The following SPRED2 variants were observed in gnomAD, a reference collection of about 807,000 sequenced individuals.
The protein encoded by SPRED2 is sprouty-related, EVH1 domain-containing protein 2.
SPRED2 carries 47 observed loss-of-function variants against 43.0 expected under a neutral mutation model. That is an observed-to-expected ratio of 1.09 (90% CI 0.87 to 1.40). The LOEUF is 1.40. Among genes scored for constraint, SPRED2 ranks in the 40% most tolerant of loss-of-function variants. The probability of loss-of-function intolerance (pLI) is 0.00; values close to 1 mark genes in which losing one functional copy is unlikely to be tolerated. For synonymous variants in SPRED2, 225 were observed against 225.7 expected, an observed-to-expected ratio of 1.00 and a Z score of 0.03; for missense variants, 561 against 586.4, an observed-to-expected ratio of 0.96 and a Z score of 0.45.
At chr2:65,401,860 TTTTAG>T (rs1036823678) in intron 1 of SPRED2, among the ~76,000 whole-genome samples, 6 of 151,588 alleles carry the variant, frequency 4.0e-5, no homozygotes, top group African/African-American at 1.5e-4. Flanking sequence ...TTGGTCAATA[TTTTAG>T]TTAACTATAT....
rs139873943 is a variant in SPRED2, at chr2:65,394,054, T to C, written c.26+37908A>G. ...GTGTGAAATACTAAGGCAGGAAAAT[T>C]GTAACATTTCAATGAATAGCAGCTG... On this transcript the variant is annotated intron_variant, in intron 1 of 5. Transcript: ENST00000356388. Among the ~76,000 whole-genome samples, 1,217 of 152,108 alleles carry C rather than the reference T, an allele frequency of 8.0e-3. 9 individuals are homozygous for C. Among genetic ancestry groups the C allele is most frequent in the Non-Finnish European group, 0.012 (840 of 67,984 alleles).
chr2:65,334,365 T>C, intron 3 of SPRED2: 1 of 609,794 alleles, frequency 1.6e-6, no homozygotes, highest in Non-Finnish European at 3.1e-6. Context: ...CTGCCTGTTT[T>C]TTCACAGCAG....
At chr2:65,413,483 G>C (rs996456804) in intron 1 of SPRED2, among the ~76,000 whole-genome samples, 1 of 152,216 alleles carries the variant, frequency 6.6e-6, no homozygotes, top group Non-Finnish European at 1.5e-5. Context: ...GAAGAGAAGA[G>C]AGGAAACCCT....
intron 1 of SPRED2, among the ~76,000 whole-genome samples, chr2:65,355,868 G>C (rs1351204610): frequency 6.6e-6 from 1 of 152,128 alleles, no homozygotes; most frequent in Non-Finnish European, 1.5e-5. Flanking sequence ...GTAATTTTCT[G>C]ACTTTCCCTC....
intron 1 of SPRED2, among the ~76,000 whole-genome samples, chr2:65,423,504 G>A (rs1293176089): frequency 6.6e-6 from 1 of 152,218 alleles, no homozygotes; most frequent in East Asian, 1.9e-4. Flanking sequence ...GAAACAGTCA[G>A]TCTTAGAACA....
At chr2:65,356,035 A>G (rs1674634655) in intron 1 of SPRED2, among the ~76,000 whole-genome samples, 1 of 152,228 alleles carries the variant, frequency 6.6e-6, no homozygotes. Context: ...CAAATGGCAA[A>G]GAGGAGTTGT....
intron 1 of SPRED2, among the ~76,000 whole-genome samples, chr2:65,378,506 G>T (rs559968771): frequency 6.6e-6 from 1 of 152,182 alleles, no homozygotes; most frequent in Admixed American, 6.5e-5. Flanking sequence ...AGTACATGGG[G>T]TGGGGGCATA....
intron 1 of SPRED2, among the ~76,000 whole-genome samples, chr2:65,394,939 A>AT (rs1230839006): frequency 5.3e-5 from 8 of 152,074 alleles, no homozygotes; most frequent in Admixed American, 5.2e-4. Flanking sequence ...ATTTTTATCT[A>AT]TTTTCTGACC....
At chr2:65,388,512 A>G (rs1203904544) in intron 1 of SPRED2, among the ~76,000 whole-genome samples, 1 of 152,142 alleles carries the variant, frequency 6.6e-6, no homozygotes, top group Non-Finnish European at 1.5e-5. Context: ...TGACTTCTTG[A>G]GCCCATAAGA....
Position 65,419,761 on chromosome 2 carries a change from G to GTAT in SPRED2, c.26+12198_26+12200dup, listed in dbSNP as rs1346087072. 6.6e-5 allele frequency among the ~76,000 whole-genome samples: 10 copies of GTAT among 152,228 alleles called. No homozygotes were observed. The South Asian group carries it at 2.1e-3, about 32-fold the overall frequency. On this transcript the variant is annotated intron_variant, in intron 1 of 5. Coordinates refer to ENST00000356388, the MANE Select transcript of SPRED2 (RefSeq NM_181784.3). The stretch of plus-strand genomic sequence containing the variant: ...AATACATATGCTTGGGAGACATTAC[G>GTAT]TATTTGGTTCACAAACAATGCATGG...
intron 1 of SPRED2, among the ~76,000 whole-genome samples, chr2:65,359,101 C>T (rs1674734666): frequency 6.6e-6 from 1 of 152,180 alleles, no homozygotes; most frequent in African/African-American, 2.4e-5. Context: ...CTTTTAGGGT[C>T]ACAATGACTG....
intron 1 of SPRED2, among the ~76,000 whole-genome samples, chr2:65,431,007 A>G (rs1157494301): frequency 1.3e-5 from 2 of 151,510 alleles, no homozygotes; most frequent in South Asian, 2.1e-4. Flanking sequence ...GAGACTGAAA[A>G]CGCCTCAGAC....
chr2:65,363,015 T>TTTTG (rs1674868289), intron 1 of SPRED2, among the ~76,000 whole-genome samples: 2 of 138,666 alleles, frequency 1.4e-5, no homozygotes, highest in African/African-American at 5.5e-5. Context: ...GTTTTTTTTT[T>TTTTG]TTTTTTTTTT....
intron 2 of SPRED2, among the ~76,000 whole-genome samples, chr2:65,343,510 T>A (rs572698976): frequency 6.6e-6 from 1 of 152,348 alleles, no homozygotes; most frequent in East Asian, 1.9e-4. Context: ...CAGATGCTGC[T>A]GTAAAGGGTC....
At chr2:65,346,264 C>T (rs963776031) in intron 1 of SPRED2, among the ~76,000 whole-genome samples, 1 of 151,956 alleles carries the variant, frequency 6.6e-6, no homozygotes, top group Non-Finnish European at 1.5e-5. Context: ...TCTCCCTTGG[C>T]CCCCCCAACC....
intron 1 of SPRED2, among the ~76,000 whole-genome samples, chr2:65,411,917 A>G (rs369650340): frequency 2.6e-5 from 4 of 152,088 alleles, no homozygotes; most frequent in East Asian, 1.9e-4. Flanking sequence ...CACAAGGTCA[A>G]TAGACGGAGA....
At chr2:65,430,691 T>G (rs567907464) in intron 1 of SPRED2, among the ~76,000 whole-genome samples, 53 of 151,366 alleles carry the variant, frequency 3.5e-4, no homozygotes, top group African/African-American at 1.3e-3. Context: ...GGGGCCTCCC[T>G]CCAGGGCGCG....
chr2:65,369,270 CACACACACACACAT>C (rs1675059099), intron 1 of SPRED2, among the ~76,000 whole-genome samples: 2 of 83,386 alleles, frequency 2.4e-5, no homozygotes, highest in African/African-American at 5.9e-5. Context: ...CATACACATA[CACACACACACACAT>C]ACACACACAC....
At chr2:65,319,748 G>A (rs957822146) in intron 4 of SPRED2, among the ~76,000 whole-genome samples, 6 of 152,056 alleles carry the variant, frequency 3.9e-5, no homozygotes, top group South Asian at 2.1e-4. Context: ...TTGTGGACAC[G>A]GTTCCTCAGC....
Sources: gnomAD v4.1 joint callset for allele counts (sites outside exome capture counted in the v4.1 genomes callset) on GRCh38, gnomAD v4.1.1 for gene constraint, MANE v1.5 for transcripts, NCBI Gene and HGNC (gene_info 2026-07-23, HGNC 2026-07-21) for gene names.